The following SEPTIN14 variants were observed in gnomAD, a reference collection of about 807,000 sequenced individuals.
SEPTIN14 encodes septin-14.
Under a neutral mutation model 53.6 loss-of-function variants are expected in SEPTIN14, and 40 were observed. That is an observed-to-expected ratio of 0.75 (90% confidence interval 0.58 to 0.97). The LOEUF (loss-of-function observed/expected upper bound fraction) is 0.97. Among genes scored for constraint, SEPTIN14 ranks in the 50% least tolerant of loss-of-function variants. The pLI, the probability that SEPTIN14 is intolerant of heterozygous loss-of-function variation, is 0.00. For synonymous variants in SEPTIN14, 138 were observed against 166.8 expected (o/e 0.83, Z 1.33); for missense variants, 471 against 508.2 (o/e 0.93, Z 0.70).
rs1377344380 is a variant in SEPTIN14, at chr7:55,801,294, GA to G, written c.1119+3963del. Among the ~76,000 whole-genome samples, 3 of 151,546 alleles carry G rather than the reference GA, an allele frequency of 2.0e-5. No individual in the cohort carries two copies. The East Asian group carries it at 5.8e-4, about 29-fold the overall frequency. The stretch of plus-strand genomic sequence containing the variant: ...AAGATAAATAAATGAACAACCCTTA[GA>G]AAAACTAAGAAAAAAAGAGAGAAAA... On this transcript the variant is annotated intron_variant, in intron 9 of 9. Coordinates refer to ENST00000388975, the MANE Select transcript of SEPTIN14 (RefSeq NM_207366.3).
chr7:55,808,036 T>TA (rs1260563309), intron 7 of SEPTIN14, among the ~76,000 whole-genome samples: 5 of 152,096 alleles, frequency 3.3e-5, no homozygotes, highest in Non-Finnish European at 7.4e-5. Flanking sequence ...GAGGGGGAGA[T>TA]AGACTGTATT....
chr7:55,846,089 A>ATATATATATATATATATATG (rs1413807430), intron 3 of SEPTIN14, among the ~76,000 whole-genome samples: 1 of 130,036 alleles, frequency 7.7e-6, no homozygotes, highest in Non-Finnish European at 1.6e-5. Context: ...ATATATATAT[A>ATATATATATATATATATATG]TATGTATACA....
intron 2 of SEPTIN14, among the ~76,000 whole-genome samples, chr7:55,856,766 TAGC>T (rs1440013568): frequency 6.6e-6 from 1 of 152,136 alleles, no homozygotes; most frequent in Non-Finnish European, 1.5e-5. Flanking sequence ...CTATTGTGAA[TAGC>T]GCTGAGATGA....
At chr7:55,811,219 G>T in intron 7 of SEPTIN14, 1 of 527,494 alleles carries the variant, frequency 1.9e-6, no homozygotes, top group Non-Finnish European at 3.8e-6. Flanking sequence ...TCTTTGCGCA[G>T]TGCCTTGGGG....
rs368110863 is a variant in SEPTIN14, at chr7:55,819,148, A to G, written c.796T>C (p.Tyr266His). 364 of 1,583,526 alleles carry G rather than the reference A, an allele frequency of 2.3e-4. 2 individuals are homozygous for G. The highest frequency in any genetic ancestry group is 9.9e-4 in the Middle Eastern group (6 of 6,048). ...TTACCTTGCAAAACTCCCCAAGGGT[A>G]GTGACGGCCTCTGACCATCCTTTTT... ...VGKRMVRGRHYPWGVLQVENE... is the reference protein window; with the variant it reads ...VGKRMVRGRHHPWGVLQVENE... Residue 266 changes from tyrosine to histidine, a missense_variant, in exon 7 of 10, where the codon TAC (tyrosine) becomes CAC (histidine). Coordinates refer to ENST00000388975, the MANE Select transcript of SEPTIN14 (RefSeq NM_207366.3).
At chr7:55,829,716 A>G (rs537017047) in intron 6 of SEPTIN14, among the ~76,000 whole-genome samples, 24 of 145,354 alleles carry the variant, frequency 1.7e-4, no homozygotes, top group African/African-American at 6.1e-4. Context: ...GCAACAAAAA[A>G]TGGCCTCTTC....
chr7:55,834,780 C>A (rs1789174466), intron 5 of SEPTIN14, among the ~76,000 whole-genome samples, 194 bp from the exon 6 acceptor site: 1 of 152,080 alleles, frequency 6.6e-6, no homozygotes. Context: ...GTAGCTGGGA[C>A]CACAGGCACC....
chr7:55,830,349 A>ATATATATATATTT (rs71015108), intron 6 of SEPTIN14, among the ~76,000 whole-genome samples: 2 of 56,848 alleles, frequency 3.5e-5, no homozygotes, highest in Non-Finnish European at 5.6e-5. Flanking sequence ...ATATATATAT[A>ATATATATATATTT]TTTTTTTTTT....
intron 2 of SEPTIN14, among the ~76,000 whole-genome samples, chr7:55,849,383 T>C (rs1372613848): frequency 6.6e-6 from 1 of 151,606 alleles, no homozygotes. Flanking sequence ...TAGAAAAAAT[T>C]AAATAAGCAA....
chr7:55,851,978 T>C (rs914555477), intron 2 of SEPTIN14, among the ~76,000 whole-genome samples: 2 of 151,914 alleles, frequency 1.3e-5, no homozygotes, highest in Admixed American at 6.6e-5. Flanking sequence ...CCGTCTCTAC[T>C]AAAAATACAA....
chr7:55,843,848 T>C (rs927420707), intron 4 of SEPTIN14, among the ~76,000 whole-genome samples: 1 of 150,842 alleles, frequency 6.6e-6, no homozygotes, highest in Admixed American at 6.6e-5. Context: ...AGACAAAAAA[T>C]AACAGGCCAA....
chr7:55,835,753 C>G (rs1044164884), intron 5 of SEPTIN14, among the ~76,000 whole-genome samples: 1 of 151,656 alleles, frequency 6.6e-6, no homozygotes, highest in Admixed American at 6.6e-5. Flanking sequence ...CATATTCTTT[C>G]TTTTTTTGAG....
intron 6 of SEPTIN14, among the ~76,000 whole-genome samples, chr7:55,819,461 C>T (rs1218997591): frequency 2.6e-5 from 4 of 151,902 alleles, no homozygotes; most frequent in African/African-American, 4.8e-5. Flanking sequence ...TGGTGGCGGG[C>T]GCCTGTAGTC....
At chr7:55,862,310 A>G (rs973216081) in intron 1 of SEPTIN14, among the ~76,000 whole-genome samples, 2 of 152,196 alleles carry the variant, frequency 1.3e-5, no homozygotes, top group Non-Finnish European at 2.9e-5. Flanking sequence ...CTTCTTCTTT[A>G]AATGACTCCA....
chr7:55,856,662 G>A (rs1789632466), intron 2 of SEPTIN14, among the ~76,000 whole-genome samples: 2 of 152,124 alleles, frequency 1.3e-5, no homozygotes, highest in South Asian at 4.2e-4. Context: ...GAAAGTGCTG[G>A]GGTTACAGGC....
intron 2 of SEPTIN14, among the ~76,000 whole-genome samples, chr7:55,849,234 C>T (rs1584272021): frequency 6.7e-6 from 1 of 148,264 alleles, no homozygotes; most frequent in Admixed American, 6.7e-5. Flanking sequence ...CTGAGGCAGG[C>T]GAATCCCTTG....
intron 2 of SEPTIN14, among the ~76,000 whole-genome samples, chr7:55,856,191 A>G (rs1789620966): frequency 6.6e-6 from 1 of 151,660 alleles, no homozygotes; most frequent in Non-Finnish European, 1.5e-5. Context: ...CATTGTTGCC[A>G]TCTATGGCAT....
At position 55,844,538 on chromosome 7, in the gene SEPTIN14, A is replaced by G. The variant is rs899688203; in HGVS notation, c.356T>C (p.Ile119Thr). Residue 119 changes from isoleucine to threonine, a missense_variant, in exon 4 of 10, where the codon ATA becomes ACA. Coordinates refer to ENST00000388975, the MANE Select transcript of SEPTIN14 (RefSeq NM_207366.3). Reference sequence around the variant, plus strand: ...AAACACTCACCTGGCTTCTTTGTCTATTTGATCACCATACCCTACTGTCTC... The same window carrying G: ...AAACACTCACCTGGCTTCTTTGTCTGTTTGATCACCATACCCTACTGTCTC... ...VVETVGYGDQ[I>T]DKEASYQPIV... is the part of the protein sequence containing the mutation. 16 of 1,497,198 alleles carry G rather than the reference A, an allele frequency of 1.1e-5. No homozygotes were observed. The highest frequency in any genetic ancestry group is 8.3e-5 in the African/African-American group (6 of 72,526). The allele number at this position is 1,497,198 out of a possible 1,614,324, so 92.7% of individuals were successfully genotyped here. A position where few individuals can be genotyped will look rare whatever the true frequency, so the allele number is the denominator to read the frequency against.
intron 9 of SEPTIN14, among the ~76,000 whole-genome samples, chr7:55,797,413 A>G (rs1788449190): frequency 6.6e-6 from 1 of 152,236 alleles, no homozygotes; most frequent in African/African-American, 2.4e-5. Flanking sequence ...GGCAAGAGAA[A>G]AGTGGCATGA....
Sources: gnomAD v4.1 joint callset for allele counts (sites outside exome capture counted in the v4.1 genomes callset) on GRCh38, gnomAD v4.1.1 for gene constraint, MANE v1.5 for transcripts, NCBI Gene and HGNC (gene_info 2026-07-23, HGNC 2026-07-21) for gene names.